Variants in SAMD8 observed in about 807,000 individuals in gnomAD.
SAMD8 encodes the protein sphingomyelin synthase-related protein 1.
A neutral mutation model predicts 42.0 loss-of-function variants in SAMD8; 20 were observed. The ratio of observed to expected loss-of-function variants is 0.48; its 90% confidence interval spans 0.34 to 0.69. The LOEUF (loss-of-function observed/expected upper bound fraction) is 0.69. Among genes scored for constraint, SAMD8 ranks in the 30% least tolerant of loss-of-function variants. SAMD8 has a pLI of 0.01. For synonymous variants in SAMD8, 162 were observed against 173.0 expected, an observed-to-expected ratio of 0.94 and a Z score of 0.50; for missense variants, 328 against 511.6, an observed-to-expected ratio of 0.64 and a Z score of 3.46.
At chr10:75,140,198 G>A (rs1031930912) in intron 1 of SAMD8, among the ~76,000 whole-genome samples, 2 of 152,146 alleles carry the variant, frequency 1.3e-5, no homozygotes, top group African/African-American at 2.4e-5. Flanking sequence ...AGAAGTCCCC[G>A]GGTTCAAGCA....
chr10:75,147,879 A>G (rs1840180354), intron 1 of SAMD8, among the ~76,000 whole-genome samples: 1 of 152,134 alleles, frequency 6.6e-6, no homozygotes, highest in African/African-American at 2.4e-5. Context: ...ATAAATGTAT[A>G]AGTTCCATGT....
At chr10:75,115,508 G>A (rs1023604313) in intron 1 of SAMD8, among the ~76,000 whole-genome samples, 12 of 152,162 alleles carry the variant, frequency 7.9e-5, no homozygotes, top group African/African-American at 2.4e-4. Flanking sequence ...ACAGACCTGT[G>A]ATGTGAATAT....
chr10:75,176,326 A>T lies in SAMD8; in HGVS notation c.944-62A>T. On this transcript the variant is annotated intron_variant, in intron 5 of 5. Coordinates refer to ENST00000542569, the MANE Select transcript of SAMD8 (RefSeq NM_001174156.2). The surrounding 1 kb of genome is among the most constrained non-coding windows in gnomAD (Gnocchi z 4.3). ...ATGGCAAAACAGCCTGACCTGAGAA[A>T]CGTGACTGAGAAGCATTGGAAGGAA... is the stretch of plus-strand genomic sequence containing the variant. The T allele has an allele frequency of 6.3e-7, 1 of 1,596,752 alleles. No individual in the cohort carries two copies. Among genetic ancestry groups the T allele is most frequent in the Non-Finnish European group, 8.5e-7 (1 of 1,171,168 alleles).
chr10:75,123,480 C>T (rs1189135982), intron 1 of SAMD8, among the ~76,000 whole-genome samples: 1 of 152,154 alleles, frequency 6.6e-6, no homozygotes, highest in Non-Finnish European at 1.5e-5. Flanking sequence ...ACTTGGTCTT[C>T]TCTGATACCA....
chr10:75,122,598 C>T (rs554515684), intron 1 of SAMD8, among the ~76,000 whole-genome samples: 67 of 145,472 alleles, frequency 4.6e-4, no homozygotes, highest in Non-Finnish European at 6.3e-4. Context: ...GAATGATAGA[C>T]GGAGACTCTG....
intron 1 of SAMD8, among the ~76,000 whole-genome samples, chr10:75,146,239 T>C (rs1840128548): frequency 6.6e-6 from 1 of 150,744 alleles, no homozygotes; most frequent in Admixed American, 6.6e-5. Context: ...TTCCTGGCTC[T>C]CAGGGATTTT....
intron 1 of SAMD8, among the ~76,000 whole-genome samples, chr10:75,141,883 C>T (rs1053762314): frequency 6.6e-6 from 1 of 151,858 alleles, no homozygotes; most frequent in African/African-American, 2.4e-5. Context: ...CTGACCAGAA[C>T]TTCTGATGTT....
At chr10:75,157,224 A>G (rs1337150763) in intron 2 of SAMD8, among the ~76,000 whole-genome samples, 1 of 152,046 alleles carries the variant, frequency 6.6e-6, no homozygotes, top group Admixed American at 6.6e-5. Context: ...AGGCAAAGAA[A>G]TGATGAGGGG....
At chr10:75,111,639 G>T (rs1283293111), upstream of SAMD8, 2 of 1,245,560 alleles carry the variant, frequency 1.6e-6, no homozygotes, top group Non-Finnish European at 2.0e-6. Context: ...TCACTCCGGC[G>T]AGGCGGGGAG....
At chr10:75,166,483 C>T (rs562598052) in intron 3 of SAMD8, among the ~76,000 whole-genome samples, 16 of 152,118 alleles carry the variant, frequency 1.1e-4, no homozygotes, top group Admixed American at 5.9e-4. Flanking sequence ...GAGGTTTTGA[C>T]CTTTCTCCTC....
intron 1 of SAMD8, among the ~76,000 whole-genome samples, chr10:75,101,628 CAG>C (rs1020996499): frequency 6.6e-6 from 1 of 152,192 alleles, no homozygotes; most frequent in African/African-American, 2.4e-5. Flanking sequence ...AACCGAGACT[CAG>C]AGAGGTTAAG....
intron 2 of SAMD8, among the ~76,000 whole-genome samples, chr10:75,154,148 C>T (rs1485301790): frequency 6.6e-6 from 1 of 152,124 alleles, no homozygotes; most frequent in Admixed American, 6.5e-5. Context: ...AACAGCCATA[C>T]ATTTTTGGAA....
intron 1 of SAMD8, among the ~76,000 whole-genome samples, chr10:75,149,039 G>A (rs900026987): frequency 2.6e-5 from 4 of 151,232 alleles, no homozygotes; most frequent in African/African-American, 4.9e-5. Flanking sequence ...ATAGGTGTTC[G>A]TTGTATCATT....
intron 4 of SAMD8, among the ~76,000 whole-genome samples, chr10:75,169,529 A>G (rs752912830): frequency 1.3e-5 from 2 of 151,976 alleles, no homozygotes; most frequent in African/African-American, 2.4e-5. Context: ...TTTTCTTTCA[A>G]TTATCATTTT....
chr10:75,162,653 A>G (rs1320012040), intron 2 of SAMD8, among the ~76,000 whole-genome samples: 2 of 150,964 alleles, frequency 1.3e-5, no homozygotes, highest in Non-Finnish European at 3.0e-5. Context: ...CCGTCTCAAA[A>G]AAAAAAAAAA....
intron 2 of SAMD8, among the ~76,000 whole-genome samples, chr10:75,159,555 C>T (rs891657683): frequency 6.6e-6 from 1 of 152,110 alleles, no homozygotes; most frequent in African/African-American, 2.4e-5. Context: ...ATGGATACTC[C>T]CAACATCCAG....
At chr10:75,156,178 C>T (rs929472372) in intron 2 of SAMD8, among the ~76,000 whole-genome samples, 2 of 152,164 alleles carry the variant, frequency 1.3e-5, no homozygotes, top group African/African-American at 4.8e-5. Flanking sequence ...CCACTGCACT[C>T]CAGCCTGGGC....
At chr10:75,101,845 C>A (rs974449303) in intron 1 of SAMD8, 3 of 1,362,880 alleles carry the variant, frequency 2.2e-6, no homozygotes, top group African/African-American at 1.5e-5. Context: ...CTACCCCCCC[C>A]AAATTAGGAG....
At chr10:75,107,933 T>C (rs186185682), upstream of SAMD8, 2 of 1,528,584 alleles carry the variant, frequency 1.3e-6, no homozygotes, top group Non-Finnish European at 1.8e-6. Flanking sequence ...TGAGAGGAAA[T>C]GAGGCATCCT....
Sources: gnomAD v4.1 joint callset for allele counts (sites outside exome capture counted in the v4.1 genomes callset) on GRCh38, gnomAD v4.1.1 for gene constraint, Gnocchi (gnomAD v3.1) non-coding constraint, MANE v1.5 for transcripts, NCBI Gene and HGNC (gene_info 2026-07-23, HGNC 2026-07-21) for gene names.